The following TNR variants were observed in gnomAD, a reference collection of about 807,000 sequenced individuals.
The protein encoded by TNR is tenascin R, also known as tenascin-R.
Under a neutral mutation model 150.4 loss-of-function variants are expected in TNR, and 45 were observed. The ratio of observed to expected loss-of-function variants is 0.30; its 90% CI spans 0.24 to 0.38. The LOEUF is 0.38. TNR is among the 10% of genes least tolerant of loss of function. The pLI is 1.00. For missense variants in TNR, 1,544 were observed against 1,759.1 expected (o/e 0.88, Z 2.19); for synonymous variants, 687 against 678.4 (o/e 1.01, Z -0.20).
intron 18 of TNR, among the ~76,000 whole-genome samples, chr1:175,341,094 G>A (rs1451738292): frequency 6.6e-6 from 1 of 152,180 alleles, no homozygotes; most frequent in Non-Finnish European, 1.5e-5. Context: ...ACTGGTTCCT[G>A]TTCTGCTGTA....
intron 1 of TNR, among the ~76,000 whole-genome samples, chr1:175,734,175 T>C (rs974338376): frequency 3.9e-5 from 6 of 152,166 alleles, no homozygotes; most frequent in Admixed American, 2.0e-4. Flanking sequence ...TATATTGACA[T>C]AGATGAGGGC....
chr1:175,555,045 G>A (rs1661096917), intron 1 of TNR, among the ~76,000 whole-genome samples: 1 of 152,112 alleles, frequency 6.6e-6, no homozygotes. Flanking sequence ...TAAGCAACTT[G>A]TATAGATTTT....
chr1:175,692,337 A>G (rs1666393749), intron 1 of TNR, among the ~76,000 whole-genome samples: 1 of 152,202 alleles, frequency 6.6e-6, no homozygotes, highest in South Asian at 2.1e-4. Flanking sequence ...CCCTGGCTGG[A>G]CCTCCAGAGA....
intron 12 of TNR, 61 bp from the exon 13 acceptor site, chr1:175,363,888 C>T (rs2102012445): frequency 1.3e-6 from 2 of 1,560,264 alleles, no homozygotes; most frequent in Non-Finnish European, 1.7e-6. Context: ...AAGAAATTCT[C>T]ATCCCTGGTT....
chr1:175,636,904 T>A (rs889145042), intron 1 of TNR, among the ~76,000 whole-genome samples: 1 of 152,224 alleles, frequency 6.6e-6, no homozygotes, highest in Non-Finnish European at 1.5e-5. Context: ...GCGACCTCCA[T>A]AACTAACATG....
rs571547006 is a variant in TNR at position 175,651,447 on chromosome 1, C to T, written c.-165+91779G>A. ...TGCCCTAAGGGGAGAAATTCAAACA[C>T]AGCAGACATTTTTAAAAAAATAGTA... is the stretch of plus-strand genomic sequence containing the variant. On this transcript the variant is annotated intron_variant, in intron 1 of 22. Transcript: ENST00000367674. Among the ~76,000 whole-genome samples, 312 of 151,414 alleles carry T rather than the reference C, an allele frequency of 2.1e-3. 2 individuals are homozygous for T. Among genetic ancestry groups the T allele is most frequent in the African/African-American group, 7.3e-3 (300 of 41,232 alleles).
At chr1:175,331,019 T>TTCTTTC (rs1649740162) in intron 20 of TNR, among the ~76,000 whole-genome samples, 1 of 61,970 alleles carries the variant, frequency 1.6e-5, no homozygotes, top group Admixed American at 2.1e-4. Flanking sequence ...CTTTCTTTCT[T>TTCTTTC]TCTTTCTTTC....
At chr1:175,346,381 T>A (rs4652082) in intron 18 of TNR, among the ~76,000 whole-genome samples, 114,733 of 151,964 alleles carry the variant, frequency 0.76, 43,495 homozygotes, top group African/African-American at 0.81. Context: ...AAGAGTCTAG[T>A]GGGATTTGAG....
chr1:175,699,213 G>C (rs946317112), intron 1 of TNR, among the ~76,000 whole-genome samples: 1 of 152,104 alleles, frequency 6.6e-6, no homozygotes, highest in Admixed American at 6.5e-5. Context: ...TGAGTAACTA[G>C]AATAATGGAG....
In TNR at chr1:175,706,176, C is replaced by T. The variant is rs74129314; in HGVS notation, c.-165+37050G>A. ...TAAAAAACTCATTCCATAAAGTCCA[C>T]GTATCAGAGATCTATCTTGATAGTG... On this transcript the variant is annotated intron_variant, in intron 1 of 22. Coordinates refer to ENST00000367674, the MANE Select transcript of TNR (RefSeq NM_003285.3). 4.9e-3 allele frequency among the ~76,000 whole-genome samples: 744 copies of T among 152,256 alleles called. 3 individuals carry two copies. Among genetic ancestry groups the T allele is most frequent in the African/African-American group, 0.017 (691 of 41,542 alleles).
intron 1 of TNR, among the ~76,000 whole-genome samples, chr1:175,583,947 G>A (rs941739062): frequency 2.0e-5 from 3 of 152,308 alleles, no homozygotes; most frequent in South Asian, 2.1e-4. Flanking sequence ...GCCAGCACAG[G>A]GAAGCCAAGG....
intron 2 of TNR, among the ~76,000 whole-genome samples, chr1:175,485,324 G>A (rs1657965820): frequency 6.6e-6 from 1 of 152,166 alleles, no homozygotes; most frequent in Admixed American, 6.5e-5. Flanking sequence ...CAGCTTTGAG[G>A]ACAAAGACGT....
Position 175,396,738 on chromosome 1 carries a change from G to T in TNR, c.1046C>A (p.Pro349Gln). 3 of 1,614,138 alleles carry T rather than the reference G, an allele frequency of 1.9e-6. No individual in the cohort carries two copies. The highest frequency in any genetic ancestry group is 2.5e-6 in the Non-Finnish European group (3 of 1,180,026). The change falls in exon 5 of 23, where the codon CCG becomes CAG. Residue 349 changes from proline to glutamine, a missense_variant. Physicochemically the swap from Pro to Gln is moderately conservative, Grantham distance 76 (BLOSUM62 -1). This residue lies in a region of TNR where 1,254 missense variants were observed against 1,329.4 expected (regional missense o/e 0.94). Transcript: ENST00000367674. ...GATCACATATTCCGTCACTGCCATC[G>T]GCCCGTCCCATTCCAGCTCAATGGA... Reference protein sequence around the residue: ...DRSIELEWDGPMAVTEYVISY... With the variant: ...DRSIELEWDGQMAVTEYVISY...
Position 175,727,758 on chromosome 1 carries a change from G to A in TNR, c.-165+15468C>T, listed in dbSNP as rs539425615. Among the ~76,000 whole-genome samples, 228 of 152,248 alleles carry A rather than the reference G, an allele frequency of 1.5e-3. 1 individual carries two copies. The highest frequency in any genetic ancestry group is 2.6e-3 in the Admixed American group (40 of 15,296). On this transcript the variant is annotated intron_variant, in intron 1 of 22. Coordinates refer to ENST00000367674, the MANE Select transcript of TNR (RefSeq NM_003285.3). ...ATGGCACCCATGAATAAAAAGGGAA[G>A]GCCAAGAGGATGGGCACAGGGACAA...
intron 1 of TNR, among the ~76,000 whole-genome samples, chr1:175,701,573 A>T (rs745858301): frequency 1.3e-5 from 2 of 152,180 alleles, no homozygotes; most frequent in Non-Finnish European, 2.9e-5. Context: ...GAAAATAATA[A>T]AGTGGAATGT....
At chr1:175,341,502 T>C (rs903926496) in intron 18 of TNR, among the ~76,000 whole-genome samples, 12 of 151,836 alleles carry the variant, frequency 7.9e-5, no homozygotes, top group African/African-American at 2.7e-4. Context: ...TGCTCTGAAA[T>C]TGGTTTGTTT....
intron 1 of TNR, among the ~76,000 whole-genome samples, chr1:175,679,289 G>A (rs943756004): frequency 1.2e-4 from 18 of 152,168 alleles, no homozygotes; most frequent in East Asian, 1.9e-4. Context: ...CTTGTGCCAC[G>A]GGGCAGGCTC....
intron 2 of TNR, among the ~76,000 whole-genome samples, chr1:175,439,167 C>T (rs1427441751): frequency 6.6e-6 from 1 of 150,872 alleles, no homozygotes; most frequent in Non-Finnish European, 1.5e-5. Context: ...GTACTGGTAC[C>T]AAAACAGAGA....
intron 2 of TNR, among the ~76,000 whole-genome samples, chr1:175,500,843 G>T (rs566274885): frequency 1.3e-5 from 2 of 152,320 alleles, no homozygotes; most frequent in Admixed American, 6.5e-5. Context: ...TAGCAGTTGT[G>T]CTGTTAGCTA....
Sources: gnomAD v4.1 joint callset for allele counts (sites outside exome capture counted in the v4.1 genomes callset) on GRCh38, gnomAD v4.1.1 for gene constraint, gnomAD v4.1.1 regional missense constraint, MANE v1.5 for transcripts, NCBI Gene and HGNC (gene_info 2026-07-23, HGNC 2026-07-21) for gene names.